ADGRB2: variants seen among roughly 807,000 people sequenced by gnomAD.
The protein encoded by ADGRB2 is adhesion G protein-coupled receptor B2.
Under a neutral mutation model 178.7 loss-of-function variants are expected in ADGRB2, and 47 were observed. The observed-to-expected ratio is 0.26, with a 90% confidence interval of 0.21 to 0.34. ADGRB2 has a LOEUF of 0.34. Among genes scored for constraint, ADGRB2 ranks in the 10% least tolerant of loss-of-function variants. The pLI is 1.00. For missense variants in ADGRB2, 1,584 were observed against 2,180.8 expected (o/e 0.73, Z 5.45); for synonymous variants, 870 against 912.4 (o/e 0.95, Z 0.84).
intron 4 of ADGRB2, among the ~76,000 whole-genome samples, chr1:31,746,514 T>G (rs1050740237): frequency 4.6e-5 from 7 of 152,116 alleles, no homozygotes; most frequent in Non-Finnish European, 8.8e-5. Context: ...CTGTGCCAAC[T>G]GGCACCATGA....
rs924066171 is a variant in ADGRB2 at position 31,735,647 on chromosome 1, T to A, written c.3286A>T (p.Ile1096Phe). The change falls in exon 24 of 33, where the codon ATC (isoleucine) becomes TTC (phenylalanine). Residue 1096 changes from isoleucine (I) to phenylalanine (F), a missense_variant. Ile to Phe is a conservative substitution (Grantham distance 21). Around this residue, in one of 3 missense-constraint regions of ADGRB2, gnomAD observed 865 missense variants for 1,192.8 expected, o/e 0.73. Coordinates refer to ENST00000373658, the MANE Select transcript of ADGRB2 (RefSeq NM_001364857.2). This position sits in a 1 kb window ranked among gnomAD's most constrained non-coding sequence, Gnocchi z 6.0. Reference sequence around the variant, plus strand: ...GCCATGAGCTTGTTGAAGACGATGATTCCGATGAGCATGTTCACCTGGGGG... The same window carrying A: ...GCCATGAGCTTGTTGAAGACGATGAATCCGATGAGCATGTTCACCTGGGGG... ...VIVLVNMLIGIIVFNKLMARD... is the reference protein window; with the variant it reads ...VIVLVNMLIGFIVFNKLMARD... 6 of 1,604,150 alleles carry A rather than the reference T, an allele frequency of 3.7e-6. No individual in the cohort carries two copies. Among genetic ancestry groups the A allele is most frequent in the Non-Finnish European group, 5.1e-6 (6 of 1,172,886 alleles).
At chr1:31,736,259 C>T in intron 22 of ADGRB2, 62 bp downstream of exon 22, 1 of 1,577,448 alleles carries the variant, frequency 6.3e-7, no homozygotes, top group Admixed American at 1.7e-5. Context: ...CAGCCAGCTG[C>T]CCAGTCCGAT....
intron 17 of ADGRB2, 106 bp from the exon 18 acceptor site, chr1:31,738,432 C>T: frequency 6.4e-7 from 1 of 1,557,126 alleles, no homozygotes; most frequent in Non-Finnish European, 8.7e-7. Context: ...AGGCCACATC[C>T]ACGAGGCAAC....
chr1:31,744,782 G>C lies in ADGRB2; in HGVS notation c.839-51C>G, dbSNP rs1646189974. On this transcript the variant is annotated intron_variant, in intron 4 of 32. Transcript: ENST00000373658. The surrounding 1 kb of genome is among the most constrained non-coding windows in gnomAD (Gnocchi z 6.7). ...GCTCAGCAAAGGCCAGCTAGGTTCTGTTACAGTGGCACAGTGAAGGCAGCC... is the reference window on the plus strand; with the variant it reads ...GCTCAGCAAAGGCCAGCTAGGTTCTCTTACAGTGGCACAGTGAAGGCAGCC... 1.3e-6 allele frequency: 2 copies of C among 1,584,480 alleles called. No homozygotes were observed.
chr1:31,757,925 G>A (rs1270823760), intron 1 of ADGRB2, among the ~76,000 whole-genome samples: 1 of 152,140 alleles, frequency 6.6e-6, no homozygotes, highest in Non-Finnish European at 1.5e-5. Flanking sequence ...TGGGCACCTA[G>A]GACCCAAGCC....
At chr1:31,731,904 G>A (rs1645305714) in intron 28 of ADGRB2, among the ~76,000 whole-genome samples, 1 of 152,164 alleles carries the variant, frequency 6.6e-6, no homozygotes, top group Non-Finnish European at 1.5e-5. Context: ...TCCTTTACAG[G>A]TGTGTTAACT....
rs370924052 is a variant in ADGRB2 at position 31,728,013 on chromosome 1, G to C, written c.4572+12C>G. On this transcript the variant is annotated intron_variant, in intron 32 of 32. Coordinates refer to ENST00000373658, the MANE Select transcript of ADGRB2 (RefSeq NM_001364857.2). The surrounding 1 kb of genome is among the most constrained non-coding windows in gnomAD (Gnocchi z 6.7). ...AGGCCCACCTCACCCCACCCAGCCC[G>C]GGGGGACTCACGGTGCACACGCTCC... 2 of 1,552,718 alleles carry C rather than the reference G, an allele frequency of 1.3e-6. No individual in the cohort carries two copies. Among genetic ancestry groups the C allele is most frequent in the Admixed American group, 1.9e-5 (1 of 52,548 alleles).
At position 31,756,275 on chromosome 1, in the gene ADGRB2, T is replaced by C. The variant is rs1646826631; in HGVS notation, c.562A>G (p.Ile188Val). 2.5e-6 allele frequency: 4 copies of C among 1,613,200 alleles called. No individual in the cohort carries two copies. The highest frequency in any genetic ancestry group is 3.4e-6 in the Non-Finnish European group (4 of 1,179,952). The stretch of plus-strand genomic sequence containing the variant: ...AATTGGCTAGAGTTGTTGTTGTTGA[T>C]GAGCAAGACCTCGACAAAGCGGAAG... ...LAFRFVEVLL[I>V]NNNNSSQFTC... Residue 188 changes from isoleucine to valine, a missense_variant, in exon 4 of 33, where the codon ATC becomes GTC. Ile to Val is a conservative substitution (Grantham distance 29). Coordinates refer to ENST00000373658, the MANE Select transcript of ADGRB2 (RefSeq NM_001364857.2). The surrounding 1 kb of genome is among the most constrained non-coding windows in gnomAD (Gnocchi z 8.5).
intron 27 of ADGRB2, 99 bp from the exon 28 acceptor site, chr1:31,732,253 C>T: frequency 3.3e-6 from 5 of 1,533,222 alleles, no homozygotes; most frequent in Non-Finnish European, 3.6e-6. Flanking sequence ...GCCCAGTCTG[C>T]CTGCCTTAGG....
chr1:31,745,470 T>C (rs1438614896), intron 4 of ADGRB2, among the ~76,000 whole-genome samples: 3 of 152,222 alleles, frequency 2.0e-5, no homozygotes, highest in South Asian at 2.1e-4. Context: ...CCCTGATTTA[T>C]GTGTCTGGGC....
Position 31,759,320 on chromosome 1 carries a change from CAT to C in ADGRB2, c.-190-1811_-190-1810del, listed in dbSNP as rs779008409. ...ACACGCATTCTCGACTGAGAACACACATGAGTATCTGGCCCTCTGAGGCTCAG... is the reference window on the plus strand; with the variant it reads ...ACACGCATTCTCGACTGAGAACACACGAGTATCTGGCCCTCTGAGGCTCAG... On this transcript the variant is annotated intron_variant, in intron 1 of 32. Transcript: ENST00000373658. This position sits in a 1 kb window ranked among gnomAD's most constrained non-coding sequence, Gnocchi z 4.3. 3.1e-5 allele frequency: 24 copies of C among 779,626 alleles called. No individual in the cohort carries two copies. Among genetic ancestry groups the C allele is most frequent in the Admixed American group, 1.4e-4 (8 of 59,022 alleles). The allele number at this position is 779,626 out of a possible 1,614,324, so 48.3% of individuals were successfully genotyped here.
At chr1:31,762,228 G>A (rs1647060757) in intron 1 of ADGRB2, among the ~76,000 whole-genome samples, 2 of 152,040 alleles carry the variant, frequency 1.3e-5, no homozygotes, top group Non-Finnish European at 2.9e-5. Context: ...GGAAGAAGAG[G>A]GGAAGATCTC....
chr1:31,744,813 T>G lies in ADGRB2; in HGVS notation c.839-82A>C. 1.4e-6 allele frequency: 2 copies of G among 1,443,614 alleles called. No individual in the cohort carries two copies. Among genetic ancestry groups the G allele is most frequent in the Non-Finnish European group, 1.9e-6 (2 of 1,031,812 alleles). 89.4% of individuals were successfully genotyped at this position (1,443,614 alleles called of 1,614,324 possible). ...GTGGCACAGTGAAGGCAGCCTTCCT[T>G]GCCCTCCGCCTGAGGGCCTGGAACC... On this transcript the variant is annotated intron_variant, in intron 4 of 32. Transcript: ENST00000373658. This position sits in a 1 kb window ranked among gnomAD's most constrained non-coding sequence, Gnocchi z 6.7.
rs532142350 is a variant in ADGRB2, at chr1:31,754,567, G to T, written c.838+1432C>A. Among the ~76,000 whole-genome samples, 1 of 152,348 alleles carries T rather than the reference G, an allele frequency of 6.6e-6. No individual in the cohort carries two copies. Among genetic ancestry groups the T allele is most frequent in the South Asian group, 2.1e-4 (1 of 4,826 alleles). ...AGCCTCCAGGGCCTGTAACCTACCC[G>T]CGGCCCGGCTGTCACTCGGACGGCT... is the stretch of plus-strand genomic sequence containing the variant. On this transcript the variant is annotated intron_variant, in intron 4 of 32. Transcript: ENST00000373658. This position sits in a 1 kb window ranked among gnomAD's most constrained non-coding sequence, Gnocchi z 5.7.
In ADGRB2 at chr1:31,741,263, C is replaced by A. The variant is rs935406196; in HGVS notation, c.1794+110G>T. 1 of 1,133,296 alleles carries A rather than the reference C, an allele frequency of 8.8e-7. No individual in the cohort carries two copies. Among genetic ancestry groups the A allele is most frequent in the Admixed American group, 2.2e-5 (1 of 45,844 alleles). The allele number at this position is 1,133,296 out of a possible 1,614,324, so 70.2% of individuals were successfully genotyped here. A position where few individuals can be genotyped will look rare whatever the true frequency, so the allele number is the denominator to read the frequency against. On this transcript the variant is annotated intron_variant, in intron 11 of 32. Coordinates refer to ENST00000373658, the MANE Select transcript of ADGRB2 (RefSeq NM_001364857.2). The surrounding 1 kb of genome is among the most constrained non-coding windows in gnomAD (Gnocchi z 6.5). The stretch of plus-strand genomic sequence containing the variant: ...AGAGGCACAGCCAGGCAGAAGTGGG[C>A]ACAGCATATGCCAAGGCACGTGGGA...
In ADGRB2 at chr1:31,740,190, G is replaced by A. The variant is rs1645858465; in HGVS notation, c.1990-12C>T. On this transcript the variant is annotated splice_polypyrimidine_tract_variant and intron_variant, in intron 12 of 32. Coordinates refer to ENST00000373658, the MANE Select transcript of ADGRB2 (RefSeq NM_001364857.2). The surrounding 1 kb of genome is among the most constrained non-coding windows in gnomAD (Gnocchi z 5.9). Reference sequence around the variant, plus strand: ...ACCTGGAAGAAGCGCTGAGGAGAGAGCAATGAGTGGCAGGGGGTCCTAGCC... The same window carrying A: ...ACCTGGAAGAAGCGCTGAGGAGAGAACAATGAGTGGCAGGGGGTCCTAGCC... 6.2e-7 allele frequency: 1 copy of A among 1,613,908 alleles called. No individual in the cohort carries two copies. Among genetic ancestry groups the A allele is most frequent in the Non-Finnish European group, 8.5e-7 (1 of 1,180,006 alleles).
Position 31,727,629 on chromosome 1 carries a change from G to A in ADGRB2, c.4573-24C>T, listed in dbSNP as rs545486502. On this transcript the variant is annotated intron_variant, in intron 32 of 32. Coordinates refer to ENST00000373658, the MANE Select transcript of ADGRB2 (RefSeq NM_001364857.2). This position sits in a 1 kb window ranked among gnomAD's most constrained non-coding sequence, Gnocchi z 4.4. The stretch of plus-strand genomic sequence containing the variant: ...TCCTGTGGAGGGAGCGGGAGGGGCC[G>A]TGGAGATGGGCCAATATCCTTACCC... 373 of 1,476,770 alleles carry A rather than the reference G, an allele frequency of 2.5e-4. 3 individuals carry two copies. In the South Asian group the frequency reaches 4.7e-3, roughly 19 times the overall value. The allele number at this position is 1,476,770 out of a possible 1,614,324, so 91.5% of individuals were successfully genotyped here. A position where few individuals can be genotyped will look rare whatever the true frequency, so the allele number is the denominator to read the frequency against.
In ADGRB2 at chr1:31,738,199, C is replaced by A; in HGVS notation, c.2772+1G>T. 1 of 1,614,096 alleles carries A rather than the reference C, an allele frequency of 6.2e-7. No homozygotes were observed. The highest frequency in any genetic ancestry group is 8.5e-7 in the Non-Finnish European group (1 of 1,179,996). On this transcript the variant is annotated splice_donor_variant, in intron 18 of 32. Coordinates refer to ENST00000373658, the MANE Select transcript of ADGRB2 (RefSeq NM_001364857.2). LOFTEE classifies it high-confidence loss of function. The stretch of plus-strand genomic sequence containing the variant: ...AGCCCAGGCACCTCTGTTCCACTCA[C>A]CAGGTCCTTGGGCGGCTGGGCTAGT...
In ADGRB2 at chr1:31,757,507, A is replaced by C. The variant is rs2149063699; in HGVS notation, c.-186T>G. The stretch of plus-strand genomic sequence containing the variant: ...GACGTCACATGTATCACTGCTGTGG[A>C]TTTCCTGGTTGGAATAAGGGGGAGA... On this transcript the variant is annotated 5_prime_UTR_variant, in exon 2 of 33. Coordinates refer to ENST00000373658, the MANE Select transcript of ADGRB2 (RefSeq NM_001364857.2). 6.5e-6 allele frequency: 3 copies of C among 461,318 alleles called. No homozygotes were observed. The East Asian group carries it at 1.1e-4, about 17-fold the overall frequency. The allele number at this position is 461,318 out of a possible 1,614,324, so 28.6% of individuals were successfully genotyped here.
Sources: gnomAD v4.1 joint callset for allele counts (sites outside exome capture counted in the v4.1 genomes callset) on GRCh38, gnomAD v4.1.1 for gene constraint, gnomAD v4.1.1 regional missense constraint, Gnocchi (gnomAD v3.1) non-coding constraint, MANE v1.5 for transcripts, NCBI Gene and HGNC (gene_info 2026-07-23, HGNC 2026-07-21) for gene names.